STAB2: variants seen among roughly 807,000 people sequenced by gnomAD.
STAB2 encodes stabilin 2.
In STAB2, 288 loss-of-function variants were observed where a neutral mutation model predicts 338.1. That is an observed-to-expected ratio of 0.85 (90% confidence interval 0.77 to 0.94). The LOEUF is 0.94. STAB2 is among the 40% of genes least tolerant of loss of function. The pLI is 0.00. For missense variants in STAB2, 3,141 were observed against 3,210.1 expected (o/e 0.98, Z 0.52); for synonymous variants, 1,202 against 1,193.3 (o/e 1.01, Z -0.15).
chr12:103,674,015 C>T lies in STAB2; in HGVS notation c.2480C>T (p.Thr827Ile), dbSNP rs755360344. ...GSAGRLCDKQ[T>I]SACGPYVQFC... is the part of the protein sequence containing the mutation. ...GCCGGGAGACTCTGTGATAAGCAGA[C>T]CTCAGCCTGTGGGCCCTACGTGCAG... Residue 827 changes from threonine (T) to isoleucine (I), a missense_variant, in exon 23 of 69, where the codon ACC (threonine) becomes ATC (isoleucine). Thr to Ile is a moderately conservative substitution (Grantham distance 89). Coordinates refer to ENST00000388887, the MANE Select transcript of STAB2 (RefSeq NM_017564.10). 16 of 1,614,016 alleles carry T rather than the reference C, an allele frequency of 9.9e-6. No homozygotes were observed. Among genetic ancestry groups the T allele is most frequent in the Middle Eastern group, 1.6e-4 (1 of 6,084 alleles).
intron 23 of STAB2, 83 bp from the exon 24 acceptor site, chr12:103,675,845 A>G: frequency 9.1e-7 from 1 of 1,103,016 alleles, no homozygotes; most frequent in South Asian, 1.5e-5. Context: ...TTGGCCAGGA[A>G]CTGGCTCATC....
intron 9 of STAB2, 134 bp from the exon 10 acceptor site, chr12:103,648,556 C>T: frequency 2.6e-6 from 3 of 1,166,876 alleles, no homozygotes; most frequent in Non-Finnish European, 3.6e-6. Context: ...AGATACCACA[C>T]TAGGAATGCT....
At chr12:103,765,705 C>T (rs1341059700) in intron 68 of STAB2, among the ~76,000 whole-genome samples, 13 of 152,052 alleles carry the variant, frequency 8.5e-5, no homozygotes. Context: ...CATGTGCCAC[C>T]TAATTTTTGT....
At chr12:103,595,621 G>T (rs964522028) in intron 3 of STAB2, among the ~76,000 whole-genome samples, 4 of 152,072 alleles carry the variant, frequency 2.6e-5, no homozygotes, top group Non-Finnish European at 5.9e-5. Flanking sequence ...CAATATTGCT[G>T]ACATTAGGTA....
intron 43 of STAB2, among the ~76,000 whole-genome samples, chr12:103,717,386 G>A (rs566925122): frequency 4.6e-5 from 7 of 152,138 alleles, no homozygotes; most frequent in Middle Eastern, 3.2e-3. Context: ...CAGCATGGGC[G>A]CAGATGAGCA....
chr12:103,610,106 T>C (rs897937096), intron 3 of STAB2, among the ~76,000 whole-genome samples: 7 of 151,902 alleles, frequency 4.6e-5, no homozygotes, highest in African/African-American at 1.7e-4. Flanking sequence ...TTATTGAGGA[T>C]TTTTGCATCG....
chr12:103,669,715 C>T (rs1257820900), intron 21 of STAB2, 88 bp downstream of exon 21: 5 of 1,193,406 alleles, frequency 4.2e-6, no homozygotes, highest in Non-Finnish European at 6.1e-6. Flanking sequence ...ATGCCAGCTA[C>T]TCTTCCCAGG....
At chr12:103,658,787 G>T (rs1480817876) in intron 15 of STAB2, among the ~76,000 whole-genome samples, 1 of 152,162 alleles carries the variant, frequency 6.6e-6, no homozygotes, top group Non-Finnish European at 1.5e-5. Flanking sequence ...CACTGCACTT[G>T]CTGGGGACAT....
In STAB2 at chr12:103,727,368, G is replaced by A. The variant is rs773660183; in HGVS notation, c.4935+18G>A. On this transcript the variant is annotated intron_variant, in intron 47 of 68. Coordinates refer to ENST00000388887, the MANE Select transcript of STAB2 (RefSeq NM_017564.10). The stretch of plus-strand genomic sequence containing the variant: ...AAGCTCGGGTGAGCATGAGACTGTG[G>A]GCAGAAGGGGGAGGTCTGCGGCTGG... 2 of 1,613,956 alleles carry A rather than the reference G, an allele frequency of 1.2e-6. No individual in the cohort carries two copies. The highest frequency in any genetic ancestry group is 1.7e-6 in the Non-Finnish European group (2 of 1,179,806).
intron 61 of STAB2, among the ~76,000 whole-genome samples, chr12:103,754,242 T>C (rs1418596321): frequency 6.6e-6 from 1 of 151,996 alleles, no homozygotes; most frequent in Non-Finnish European, 1.5e-5. Flanking sequence ...GTGGCCTTGA[T>C]ATCAAGCCAC....
rs371467417 is a variant in STAB2 at position 103,742,529 on chromosome 12, G to A, written c.6006G>A (p.Pro2002=). 2.6e-5 allele frequency: 42 copies of A among 1,614,094 alleles called. No individual in the cohort carries two copies. The highest frequency in any genetic ancestry group is 1.6e-4 in the Middle Eastern group (1 of 6,062). ...GGACGGCGTGTGAGATGTGCTGGCCGGGGAGATTCGGGCCTGATTGTCTGC... is the reference window on the plus strand; with the variant it reads ...GGACGGCGTGTGAGATGTGCTGGCCAGGGAGATTCGGGCCTGATTGTCTGC... ...FNGTACEMCW[P]GRFGPDCLPC... is the part of the protein sequence containing the mutation. Residue 2002 remains proline, a synonymous_variant, in exon 56 of 69, where the codon CCG becomes CCA. Transcript: ENST00000388887.
At chr12:103,640,416 A>T (rs1872838589) in intron 9 of STAB2, among the ~76,000 whole-genome samples, 160 bp downstream of exon 9, 1 of 152,176 alleles carries the variant, frequency 6.6e-6, no homozygotes, top group African/African-American at 2.4e-5. Flanking sequence ...GTACTCAATA[A>T]ATCTTTAATT....
intron 3 of STAB2, among the ~76,000 whole-genome samples, chr12:103,608,220 G>A (rs1957063836): frequency 6.6e-6 from 1 of 152,120 alleles, no homozygotes; most frequent in Admixed American, 6.5e-5. Context: ...CTCACTGCAA[G>A]CTCCGCCTCA....
chr12:103,725,658 G>T (rs957804425), intron 45 of STAB2, among the ~76,000 whole-genome samples: 1 of 152,204 alleles, frequency 6.6e-6, no homozygotes, highest in African/African-American at 2.4e-5. Flanking sequence ...GTATGCACGT[G>T]TGTGTGCATG....
intron 55 of STAB2, among the ~76,000 whole-genome samples, chr12:103,741,620 A>AT (rs778514629): frequency 1.5e-4 from 23 of 152,076 alleles, no homozygotes; most frequent in Non-Finnish European, 2.1e-4. Context: ...GACTCAGCTA[A>AT]TTTTTTTGTA....
intron 7 of STAB2, 38 bp from the exon 8 acceptor site, chr12:103,637,977 GT>G (rs1565977072): frequency 2.5e-6 from 4 of 1,586,674 alleles, no homozygotes; most frequent in Non-Finnish European, 3.4e-6. Flanking sequence ...CTCCATCCCC[GT>G]TAACTAACTG....
intron 53 of STAB2, 132 bp from the exon 54 acceptor site, chr12:103,739,280 T>C: frequency 1.2e-6 from 1 of 812,894 alleles, no homozygotes; most frequent in Non-Finnish European, 1.8e-6. Context: ...CCTGGCCTGT[T>C]TTCATATTCT....
intron 19 of STAB2, among the ~76,000 whole-genome samples, chr12:103,667,861 T>C (rs574231541): frequency 8.2e-4 from 125 of 152,326 alleles, no homozygotes; most frequent in Non-Finnish European, 1.6e-3. Flanking sequence ...ATCAGCATTA[T>C]TGTCTCATCA....
At chr12:103,602,307 C>CTAA (rs1355765723) in intron 3 of STAB2, among the ~76,000 whole-genome samples, 2 of 152,130 alleles carry the variant, frequency 1.3e-5, no homozygotes, top group African/African-American at 4.8e-5. Context: ...AGTTTCTTTC[C>CTAA]TTTATAATCC....
Sources: allele counts gnomAD v4.1 joint callset (sites outside exome capture counted in the v4.1 genomes callset), GRCh38; gene constraint gnomAD v4.1.1; transcripts MANE v1.5; gene names NCBI Gene and HGNC (gene_info 2026-07-23, HGNC 2026-07-21).